The following TPRG1 variants were observed in gnomAD, a reference collection of about 807,000 sequenced individuals.
The protein encoded by TPRG1 is tumor protein p63-regulated gene 1 protein.
In TPRG1, 29 loss-of-function variants were observed where a neutral mutation model predicts 29.3. That is an observed-to-expected ratio of 0.99 (90% CI 0.74 to 1.35). The LOEUF is 1.35. Among genes scored for constraint, TPRG1 ranks in the 40% most tolerant of loss-of-function variants. The pLI is 0.00. For missense variants in TPRG1, 327 were observed against 335.0 expected (o/e 0.98, Z 0.19); for synonymous variants, 130 against 116.8 (o/e 1.11, Z -0.73).
chr3:189,066,563 A>T (rs1290741207), intron 4 of TPRG1, among the ~76,000 whole-genome samples: 1 of 152,122 alleles, frequency 6.6e-6, no homozygotes, highest in Non-Finnish European at 1.5e-5. Context: ...AATGAAGTAC[A>T]ACATATGACC....
intron 4 of TPRG1, among the ~76,000 whole-genome samples, chr3:189,260,317 G>T (rs902545874): frequency 6.6e-6 from 1 of 152,180 alleles, no homozygotes; most frequent in Admixed American, 6.5e-5. Context: ...CTTGGTTTAG[G>T]ATTCAGGGAC....
intron 5 of TPRG1, among the ~76,000 whole-genome samples, chr3:189,164,197 C>G (rs1460300468): frequency 6.6e-6 from 1 of 151,994 alleles, no homozygotes; most frequent in Non-Finnish European, 1.5e-5. Flanking sequence ...GAGTCTCACT[C>G]TGTCACCCAG....
chr3:189,038,794 C>CAA lies in TPRG1; in HGVS notation c.-463+14863_-463+14864dup, dbSNP rs59131158. On this transcript the variant is annotated intron_variant, in intron 4 of 10. Coordinates refer to the TPRG1 transcript ENST00000433971. ...TCAACAAAGAAAAGAGAGTAATTGG[C>CAA]AAAAAAAAAAAAAAAATGAATAGAC... Among the ~76,000 whole-genome samples the CAA allele has an allele frequency of 2.9e-3, 372 of 129,768 alleles. 1 individual carries two copies. The highest frequency in any genetic ancestry group is 9.3e-3 in the African/African-American group (331 of 35,626). 85.1% of individuals were successfully genotyped at this position (129,768 alleles called of 152,430 possible).
At position 189,292,292 on chromosome 3, in the gene TPRG1, C is replaced by CTTT. The variant is rs11459415; in HGVS notation, c.480-18080_480-18078dup. Among the ~76,000 whole-genome samples, 838 of 114,878 alleles carry CTTT rather than the reference C, an allele frequency of 7.3e-3. 16 individuals carry two copies. Among genetic ancestry groups the CTTT allele is most frequent in the African/African-American group, 0.026 (781 of 29,562 alleles). 75.4% of individuals were successfully genotyped at this position (114,878 alleles called of 152,430 possible). On this transcript the variant is annotated intron_variant, in intron 4 of 5. Coordinates refer to ENST00000345063, the MANE Select transcript of TPRG1 (RefSeq NM_198485.4). The stretch of plus-strand genomic sequence containing the variant: ...TCAATGTAATTTTCTGAAGTTTTTG[C>CTTT]TTTTTTTTTTTTTTTTGCTTATCTG...
chr3:189,153,896 C>G (rs569523229), intron 5 of TPRG1, among the ~76,000 whole-genome samples: 28 of 152,260 alleles, frequency 1.8e-4, no homozygotes, highest in African/African-American at 5.8e-4. Context: ...GTCTCAGAAG[C>G]CTGTCAGTAC....
At chr3:189,133,783 A>G (rs1723388727) in intron 3 of TPRG1, among the ~76,000 whole-genome samples, 1 of 152,218 alleles carries the variant, frequency 6.6e-6, no homozygotes, top group African/African-American at 2.4e-5. Flanking sequence ...GAAGATCTAC[A>G]GGAGAGGGTT....
intron 1 of TPRG1, among the ~76,000 whole-genome samples, chr3:189,108,315 T>G (rs1720065691): frequency 6.6e-6 from 1 of 152,118 alleles, no homozygotes; most frequent in Non-Finnish European, 1.5e-5. Context: ...TGACAGCAAC[T>G]TATAGAACAT....
In TPRG1 at chr3:189,150,368, A is replaced by C. The variant is rs369645335; in HGVS notation, c.-226-288A>C. 1.3e-3 allele frequency among the ~76,000 whole-genome samples: 201 copies of C among 152,248 alleles called. 6 individuals carry two copies. In the South Asian group the frequency reaches 0.04, roughly 30 times the overall value. ...GAGCAAATTTTTGTATTTTTAGTAGAGGCGGGGTTTTACCATGTTGGTCAG... is the reference window on the plus strand; with the variant it reads ...GAGCAAATTTTTGTATTTTTAGTAGCGGCGGGGTTTTACCATGTTGGTCAG... On this transcript the variant is annotated intron_variant, in intron 4 of 6. Transcript: ENST00000412373.
At chr3:189,296,233 C>T (rs1239599470) in intron 4 of TPRG1, among the ~76,000 whole-genome samples, 1 of 152,222 alleles carries the variant, frequency 6.6e-6, no homozygotes, top group South Asian at 2.1e-4. Flanking sequence ...TGGAATTTAA[C>T]TGTGAGCTGT....
intron 4 of TPRG1, among the ~76,000 whole-genome samples, chr3:189,241,831 G>A (rs1002079177): frequency 1.3e-5 from 2 of 152,092 alleles, no homozygotes; most frequent in Non-Finnish European, 2.9e-5. Context: ...TGTAAGAAGT[G>A]CCTTTTGCTT....
chr3:189,204,347 A>G (rs1733983456), intron 1 of TPRG1, among the ~76,000 whole-genome samples: 1 of 152,202 alleles, frequency 6.6e-6, no homozygotes, highest in Non-Finnish European at 1.5e-5. Context: ...TGAATTGGGA[A>G]TGAACTGGGC....
At chr3:189,241,683 C>A (rs1740622696) in intron 4 of TPRG1, among the ~76,000 whole-genome samples, 1 of 151,994 alleles carries the variant, frequency 6.6e-6, no homozygotes, top group Non-Finnish European at 1.5e-5. Flanking sequence ...TGGGAGGGAC[C>A]CATGGAGAGG....
chr3:189,073,077 G>T (rs915062257), intron 4 of TPRG1, among the ~76,000 whole-genome samples: 1 of 152,154 alleles, frequency 6.6e-6, no homozygotes, highest in Admixed American at 6.5e-5. Flanking sequence ...GTACTGGTTT[G>T]TTTAGTGGGA....
intron 3 of TPRG1, among the ~76,000 whole-genome samples, chr3:189,147,409 T>C (rs1725409692): frequency 6.6e-6 from 1 of 152,186 alleles, no homozygotes; most frequent in South Asian, 2.1e-4. Context: ...GCTCTCTACC[T>C]GTAGCACTAC....
chr3:189,096,384 A>G (rs1174110330), upstream of TPRG1, among the ~76,000 whole-genome samples: 2 of 151,988 alleles, frequency 1.3e-5, no homozygotes, highest in Non-Finnish European at 2.9e-5. Flanking sequence ...GGAGCACTTC[A>G]TCTCTCCTCT....
intron 5 of TPRG1, among the ~76,000 whole-genome samples, chr3:189,320,198 T>G (rs1024391264): frequency 3.9e-5 from 6 of 152,084 alleles, no homozygotes; most frequent in African/African-American, 1.2e-4. Flanking sequence ...GAACTTGTTG[T>G]AGGCGCTTCA....
chr3:189,297,088 C>A (rs2109241393), intron 4 of TPRG1, among the ~76,000 whole-genome samples: 1 of 152,232 alleles, frequency 6.6e-6, no homozygotes, highest in Middle Eastern at 3.4e-3. Context: ...TCAAGTGATT[C>A]TGCCACCTCA....
chr3:189,090,916 A>G (rs1439310168), intron 4 of TPRG1, among the ~76,000 whole-genome samples: 4 of 152,086 alleles, frequency 2.6e-5, no homozygotes, highest in African/African-American at 9.7e-5. Context: ...TATGTTTTTA[A>G]CTTAATGACA....
At chr3:189,269,277 T>G (rs889503423) in intron 4 of TPRG1, among the ~76,000 whole-genome samples, 2 of 152,156 alleles carry the variant, frequency 1.3e-5, no homozygotes, top group South Asian at 4.1e-4. Flanking sequence ...CAATGTGTGG[T>G]CTCAAGGTCG....
Sources: gnomAD v4.1 joint callset for allele counts (sites outside exome capture counted in the v4.1 genomes callset) on GRCh38, gnomAD v4.1.1 for gene constraint, MANE v1.5 for transcripts, NCBI Gene and HGNC (gene_info 2026-07-23, HGNC 2026-07-21) for gene names.